The following HCN1 variants were observed in gnomAD, a reference collection of about 807,000 sequenced individuals.
The protein encoded by HCN1 is hyperpolarization activated cyclic nucleotide gated potassium channel 1.
A neutral mutation model predicts 78.9 loss-of-function variants in HCN1; 13 were observed. The ratio of observed to expected loss-of-function variants is 0.16; its 90% CI spans 0.11 to 0.26. The LOEUF (loss-of-function observed/expected upper bound fraction) is 0.26, where lower values mean the gene tolerates loss of function less well. Ranked by LOEUF, HCN1 falls within the 10% of genes least tolerant of loss-of-function variation. The pLI is 1.00. For synonymous variants in HCN1, 552 were observed against 455.5 expected, an observed-to-expected ratio of 1.21 and a Z score of -2.70; for missense variants, 810 against 1,154.3, an observed-to-expected ratio of 0.70 and a Z score of 4.32.
intron 3 of HCN1, among the ~76,000 whole-genome samples, chr5:45,411,039 G>A (rs1033390815): frequency 6.6e-6 from 1 of 152,110 alleles, no homozygotes; most frequent in East Asian, 1.9e-4. Flanking sequence ...ACATAATCAA[G>A]CTAAATACCC....
chr5:45,542,823 AAAAG>A (rs1236590639), intron 2 of HCN1, among the ~76,000 whole-genome samples: 1 of 152,204 alleles, frequency 6.6e-6, no homozygotes, highest in African/African-American at 2.4e-5. Flanking sequence ...AACATCACTT[AAAAG>A]AAAATGCTAT....
chr5:45,313,793 G>T (rs1030201564), intron 5 of HCN1, among the ~76,000 whole-genome samples: 1 of 152,176 alleles, frequency 6.6e-6, no homozygotes, highest in African/African-American at 2.4e-5. Context: ...TTAATGAAAT[G>T]AAGTGAGAAG....
chr5:45,586,238 C>T (rs1444833602), intron 2 of HCN1, among the ~76,000 whole-genome samples: 1 of 152,152 alleles, frequency 6.6e-6, no homozygotes, highest in Non-Finnish European at 1.5e-5. Flanking sequence ...GCACCCATCC[C>T]CCAACCTCGC....
chr5:45,365,792 G>T (rs895121794), intron 4 of HCN1, among the ~76,000 whole-genome samples: 1 of 151,662 alleles, frequency 6.6e-6, no homozygotes, highest in African/African-American at 2.4e-5. Context: ...TTTTAAAAAA[G>T]ACTTCTAATG....
intron 4 of HCN1, among the ~76,000 whole-genome samples, chr5:45,374,189 ATACATTATATACATAACATATATATTATG>A (rs1561130371): frequency 5.5e-4 from 61 of 111,404 alleles, no homozygotes; most frequent in African/African-American, 1.2e-3. Flanking sequence ...TATATATTAT[ATACATTATATACATAACATATATATTATG>A]TACATTATAT....
chr5:45,669,661 GA>G (rs1285658519), intron 1 of HCN1, among the ~76,000 whole-genome samples: 1 of 151,744 alleles, frequency 6.6e-6, no homozygotes, highest in Non-Finnish European at 1.5e-5. Flanking sequence ...AAATGAGACT[GA>G]TTTGAAAATT....
At chr5:45,456,712 A>G (rs1038486697) in intron 3 of HCN1, among the ~76,000 whole-genome samples, 1 of 152,066 alleles carries the variant, frequency 6.6e-6, no homozygotes, top group African/African-American at 2.4e-5. Context: ...AAGTAGGTGC[A>G]TAAAATGTAA....
At chr5:45,525,956 C>G (rs1742728451) in intron 2 of HCN1, among the ~76,000 whole-genome samples, 1 of 151,902 alleles carries the variant, frequency 6.6e-6, no homozygotes. Context: ...AGAAGGAGAG[C>G]TAACCCTTTC....
chr5:45,476,506 A>T (rs942745369), intron 2 of HCN1, among the ~76,000 whole-genome samples: 2 of 152,006 alleles, frequency 1.3e-5, no homozygotes, highest in African/African-American at 4.8e-5. Context: ...CCTTTTTTTC[A>T]CCTTACTATA....
chr5:45,666,507 T>C (rs1452054374), intron 1 of HCN1, among the ~76,000 whole-genome samples: 1 of 152,040 alleles, frequency 6.6e-6, no homozygotes, highest in Non-Finnish European at 1.5e-5. Context: ...TGAGCATTCA[T>C]AGACTGAAGA....
intron 4 of HCN1, among the ~76,000 whole-genome samples, chr5:45,373,965 TTAC>T (rs1409402144): frequency 2.2e-4 from 20 of 91,970 alleles, no homozygotes; most frequent in African/African-American, 7.8e-4. Context: ...ATATAATATA[TTAC>T]ATACAGTAGA....
intron 5 of HCN1, among the ~76,000 whole-genome samples, chr5:45,340,171 T>C (rs1746546482): frequency 6.6e-6 from 1 of 152,140 alleles, no homozygotes; most frequent in African/African-American, 2.4e-5. Flanking sequence ...CCCACCTGCA[T>C]CAACCTCCCA....
In HCN1 at chr5:45,378,527, T is replaced by G. The variant is rs937194724; in HGVS notation, c.1230+17965A>C. ...ACTGGAAAATTTAAGCACCCCTATC[T>G]CCATGTGGAGGTTGATAAGTAATTG... On this transcript the variant is annotated intron_variant, in intron 4 of 7. Coordinates refer to ENST00000303230, the MANE Select transcript of HCN1 (RefSeq NM_021072.4). Among the ~76,000 whole-genome samples the G allele has an allele frequency of 4.6e-5, 7 of 152,204 alleles. No individual in the cohort carries two copies. The East Asian group carries it at 1.4e-3, about 29-fold the overall frequency.
intron 1 of HCN1, among the ~76,000 whole-genome samples, chr5:45,681,765 G>A (rs1739706378): frequency 6.6e-6 from 1 of 152,074 alleles, no homozygotes; most frequent in Admixed American, 6.6e-5. Flanking sequence ...TAAAAGTAAT[G>A]TAATTATTTC....
chr5:45,460,400 C>T (rs1253416492), intron 3 of HCN1, among the ~76,000 whole-genome samples: 1 of 151,990 alleles, frequency 6.6e-6, no homozygotes, highest in Non-Finnish European at 1.5e-5. Context: ...GGCTCCAGAG[C>T]AGTGAGAAAT....
intron 4 of HCN1, among the ~76,000 whole-genome samples, chr5:45,381,685 C>T (rs1385172381): frequency 2.0e-5 from 3 of 152,056 alleles, no homozygotes; most frequent in Non-Finnish European, 4.4e-5. Context: ...GCCACTTCTC[C>T]TGCCTGCATA....
chr5:45,430,453 C>G (rs1424573786), intron 3 of HCN1, among the ~76,000 whole-genome samples: 1 of 151,860 alleles, frequency 6.6e-6, no homozygotes, highest in African/African-American at 2.4e-5. Context: ...CACCCTCCAC[C>G]CTCAAGTCTG....
Position 45,461,951 on chromosome 5 carries a change from G to A in HCN1, c.906C>T (p.Ile302=), listed in dbSNP as rs756704380. 6 of 1,613,250 alleles carry A rather than the reference G, an allele frequency of 3.7e-6. No homozygotes were observed. Among genetic ancestry groups the A allele is most frequent in the Non-Finnish European group, 5.1e-6 (6 of 1,179,488 alleles). Residue 302 remains isoleucine, a synonymous_variant, in exon 3 of 8, where the codon ATC becomes ATT. Coordinates refer to ENST00000303230, the MANE Select transcript of HCN1 (RefSeq NM_021072.4). ...ASAVVRIFNL[I]GMMLLLCHWD... is the part of the protein sequence containing the mutation. ...AGTGGCACAGGAGCAGCATCATGCCGATGAGATTAAAAATTCTCACCACTG... is the reference window on the plus strand; with the variant it reads ...AGTGGCACAGGAGCAGCATCATGCCAATGAGATTAAAAATTCTCACCACTG...
In HCN1 at chr5:45,327,055, T is replaced by C. The variant is rs4866789; in HGVS notation, c.1378-23216A>G. ...ACAGGAAGAGTGTTCATTAGAGAATTTGTATCTCTGCTTTACTATGTGGTA... is the reference window on the plus strand; with the variant it reads ...ACAGGAAGAGTGTTCATTAGAGAATCTGTATCTCTGCTTTACTATGTGGTA... On this transcript the variant is annotated intron_variant, in intron 5 of 7. Transcript: ENST00000303230. 9.4e-3 allele frequency among the ~76,000 whole-genome samples: 1,421 copies of C among 151,722 alleles called. 62 individuals are homozygous for C. Among genetic ancestry groups the C allele is most frequent in the Admixed American group, 0.064 (975 of 15,158 alleles).
Sources: gnomAD v4.1 joint callset for allele counts (sites outside exome capture counted in the v4.1 genomes callset) on GRCh38, gnomAD v4.1.1 for gene constraint, MANE v1.5 for transcripts, NCBI Gene and HGNC (gene_info 2026-07-23, HGNC 2026-07-21) for gene names.